Variants in PTN observed in about 807,000 individuals in gnomAD.
The protein encoded by PTN is heparin affin regulatory protein.
Under a neutral mutation model 24.1 loss-of-function variants are expected in PTN, and 18 were observed. The ratio of observed to expected loss-of-function variants is 0.75; its 90% CI spans 0.52 to 1.11. The LOEUF (loss-of-function observed/expected upper bound fraction) is 1.11, where lower values mean the gene tolerates loss of function less well. PTN is among the 50% of genes least tolerant of loss of function. PTN has a pLI of 0.00. For synonymous variants in PTN, 78 were observed against 68.6 expected (o/e 1.14, Z -0.67); for missense variants, 163 against 198.8 (o/e 0.82, Z 1.08).
intron 1 of PTN, among the ~76,000 whole-genome samples, chr7:137,322,478 C>T (rs1273756612): frequency 6.6e-6 from 1 of 152,116 alleles, no homozygotes; most frequent in Non-Finnish European, 1.5e-5. Context: ...GACCATAAAA[C>T]TGACCTTGTT....
intron 1 of PTN, among the ~76,000 whole-genome samples, chr7:137,291,960 C>T (rs558947090): frequency 3.3e-5 from 5 of 152,166 alleles, no homozygotes; most frequent in Non-Finnish European, 7.3e-5. Context: ...GATCCTTTGG[C>T]ATCCTCCTCT....
chr7:137,329,621 ATT>A (rs1387076912), intron 1 of PTN, among the ~76,000 whole-genome samples: 2 of 152,176 alleles, frequency 1.3e-5, no homozygotes, highest in Non-Finnish European at 2.9e-5. Flanking sequence ...TCATGTCACA[ATT>A]TTGCACTAGG....
chr7:137,263,100 T>C (rs1301632895), intron 1 of PTN, among the ~76,000 whole-genome samples: 1 of 152,228 alleles, frequency 6.6e-6, no homozygotes. Flanking sequence ...ATTCATATAG[T>C]ACACTTGTGC....
intron 1 of PTN, among the ~76,000 whole-genome samples, chr7:137,291,969 C>T (rs1232533446): frequency 6.6e-6 from 1 of 152,188 alleles, no homozygotes. Context: ...GCATCCTCCT[C>T]TAATAACCCA....
intron 4 of PTN, among the ~76,000 whole-genome samples, chr7:137,232,193 A>G (rs1453639279): frequency 6.6e-6 from 1 of 151,984 alleles, no homozygotes; most frequent in East Asian, 1.9e-4. Flanking sequence ...TGCAAAGCAG[A>G]AATGGATATA....
intron 1 of PTN, among the ~76,000 whole-genome samples, chr7:137,314,247 T>C (rs967603427): frequency 2.0e-5 from 3 of 152,186 alleles, no homozygotes; most frequent in South Asian, 2.1e-4. Flanking sequence ...GAATAGGGCA[T>C]ACATTGAGTA....
chr7:137,321,461 G>A (rs117586290), intron 1 of PTN, among the ~76,000 whole-genome samples: 68 of 152,224 alleles, frequency 4.5e-4, no homozygotes, highest in South Asian at 1.0e-3. Context: ...TCATGCTCAT[G>A]TGTTAATTGC....
intron 1 of PTN, among the ~76,000 whole-genome samples, chr7:137,323,873 A>G (rs1810206099): frequency 6.6e-6 from 1 of 152,140 alleles, no homozygotes; most frequent in South Asian, 2.1e-4. Context: ...CCACCAACTT[A>G]AACACAATCA....
intron 1 of PTN, among the ~76,000 whole-genome samples, chr7:137,262,061 G>A (rs2128872721): frequency 6.6e-6 from 1 of 152,218 alleles, no homozygotes; most frequent in South Asian, 2.1e-4. Context: ...GAGTTTCTAT[G>A]ACTATTCAGA....
intron 1 of PTN, chr7:137,326,262 A>G (rs556336070): frequency 6.6e-6 from 1 of 152,200 alleles, no homozygotes; most frequent in South Asian, 2.1e-4. Context: ...CTGTCTCTCC[A>G]CAATTCCTTC....
At chr7:137,269,624 A>ATTTTTTTTTTTTTTTTTTTT (rs869311084) in intron 1 of PTN, among the ~76,000 whole-genome samples, 2 of 63,010 alleles carry the variant, frequency 3.2e-5, no homozygotes, top group African/African-American at 1.5e-4. Context: ...TGCTTCATCT[A>ATTTTTTTTTTTTTTTTTTTT]TTTTTTTTTT....
intron 1 of PTN, among the ~76,000 whole-genome samples, chr7:137,269,795 G>C (rs1189000996): frequency 6.6e-6 from 1 of 151,764 alleles, no homozygotes; most frequent in African/African-American, 2.4e-5. Context: ...ACCCTGCCCG[G>C]CTAATTTTTG....
In PTN at chr7:137,324,433, A is replaced by AAATAT; in HGVS notation, c.-2+19005_-2+19006insATATT. 5.0e-4 allele frequency among the ~76,000 whole-genome samples: 44 copies of AAATAT among 88,764 alleles called. 2 individuals are homozygous for AAATAT. The highest frequency in any genetic ancestry group is 2.6e-3 in the African/African-American group (38 of 14,480). 58.2% of individuals were successfully genotyped at this position (88,764 alleles called of 152,430 possible). On this transcript the variant is annotated intron_variant, in intron 1 of 4. Transcript: ENST00000348225. ...CCCTGTCTCTAAAAAAAAAAAAAAAAATATATATATATATATATAAATTAA... is the reference window on the plus strand; with the variant it reads ...CCCTGTCTCTAAAAAAAAAAAAAAAAAATATATATATATATATATATATAAATTAA...
intron 1 of PTN, among the ~76,000 whole-genome samples, chr7:137,266,053 T>A (rs1406509529): frequency 1.3e-5 from 2 of 152,210 alleles, no homozygotes; most frequent in Non-Finnish European, 2.9e-5. Context: ...CTTGTAGACA[T>A]ATTTATCTAA....
At chr7:137,256,881 A>G (rs1808936801) in intron 1 of PTN, among the ~76,000 whole-genome samples, 1 of 152,212 alleles carries the variant, frequency 6.6e-6, no homozygotes, top group Non-Finnish European at 1.5e-5. Flanking sequence ...TTCAAAAGAC[A>G]TTTCTGCAGC....
chr7:137,248,767 T>C (rs1808769809), intron 4 of PTN, among the ~76,000 whole-genome samples: 1 of 152,126 alleles, frequency 6.6e-6, no homozygotes, highest in African/African-American at 2.4e-5. Context: ...ATGGAAAAGA[T>C]TGGTTAGTTA....
At chr7:137,235,478 C>T (rs1421874665) in intron 4 of PTN, among the ~76,000 whole-genome samples, 1 of 152,152 alleles carries the variant, frequency 6.6e-6, no homozygotes, top group African/African-American at 2.4e-5. Flanking sequence ...TGGCAAAATA[C>T]AGAAACATAT....
At chr7:137,238,461 A>G (rs1273505927) in intron 4 of PTN, among the ~76,000 whole-genome samples, 1 of 152,254 alleles carries the variant, frequency 6.6e-6, no homozygotes, top group Non-Finnish European at 1.5e-5. Flanking sequence ...AGACAAGCTC[A>G]GGCCAGAAAT....
intron 1 of PTN, among the ~76,000 whole-genome samples, chr7:137,287,101 TATC>T (rs1809568053): frequency 6.6e-6 from 1 of 152,210 alleles, no homozygotes; most frequent in Admixed American, 6.5e-5. Context: ...AATCATCAGC[TATC>T]CCATTTCATA....
Sources: gnomAD v4.1 joint callset for allele counts (sites outside exome capture counted in the v4.1 genomes callset) on GRCh38, gnomAD v4.1.1 for gene constraint, MANE v1.5 for transcripts, NCBI Gene and HGNC (gene_info 2026-07-23, HGNC 2026-07-21) for gene names.